FRAS1: variants seen among roughly 807,000 people sequenced by gnomAD.
The protein encoded by FRAS1 is Fraser extracellular matrix complex subunit 1, also known as extracellular matrix organizing protein FRAS1.
In FRAS1, 290 loss-of-function variants were observed where a neutral mutation model predicts 435.2. The observed-to-expected ratio is 0.67, with a 90% CI of 0.61 to 0.73. FRAS1 has a LOEUF of 0.73. Ranked by LOEUF, FRAS1 falls within the 30% of genes least tolerant of loss-of-function variation. FRAS1 has a pLI of 0.00. For missense variants in FRAS1, 4,860 were observed against 5,001.5 expected, an observed-to-expected ratio of 0.97 and a Z score of 0.85; for synonymous variants, 1,800 against 1,851.0, an observed-to-expected ratio of 0.97 and a Z score of 0.71.
rs143324976 is a variant in FRAS1, at chr4:78,406,653, G to T, written c.4130-1010G>T. ...AAGTTGAGATTTGGGTAGGGACACA[G>T]CCAAACTATGTCAAGAAAGATGATC... On this transcript the variant is annotated intron_variant, in intron 30 of 73. Transcript: ENST00000512123. 2.5e-3 allele frequency among the ~76,000 whole-genome samples: 379 copies of T among 149,324 alleles called. 2 individuals carry two copies. Among genetic ancestry groups the T allele is most frequent in the African/African-American group, 9.1e-3 (361 of 39,748 alleles).
chr4:78,401,341 T>C (rs1317945401), intron 30 of FRAS1, among the ~76,000 whole-genome samples: 1 of 152,134 alleles, frequency 6.6e-6, no homozygotes, highest in Non-Finnish European at 1.5e-5. Context: ...AGCAAGGTAG[T>C]CAAATAAGAA....
chr4:78,404,765 G>C (rs953567933), intron 30 of FRAS1, among the ~76,000 whole-genome samples: 1 of 152,068 alleles, frequency 6.6e-6, no homozygotes, highest in Admixed American at 6.6e-5. Context: ...CTCTCCTCTG[G>C]ATTTGTCAGT....
chr4:78,274,779 A>G (rs2110168274), intron 9 of FRAS1, among the ~76,000 whole-genome samples: 1 of 152,264 alleles, frequency 6.6e-6, no homozygotes, highest in Admixed American at 6.5e-5. Context: ...GCTGAAAAGA[A>G]TGTATATTCT....
intron 1 of FRAS1, among the ~76,000 whole-genome samples, chr4:78,058,988 CT>C (rs1739611820): frequency 6.6e-6 from 1 of 152,260 alleles, no homozygotes; most frequent in South Asian, 2.1e-4. Flanking sequence ...AGCCGGCGGG[CT>C]GGGAGGAAGA....
Position 78,475,012 on chromosome 4 carries a change from A to T in FRAS1, c.7683-426A>T, listed in dbSNP as rs1719814794. On this transcript the variant is annotated intron_variant, in intron 53 of 73. Transcript: ENST00000512123. ...TGACTCCATCACACAGTTCCTGGAG[A>T]TCTGGTCCAGTCAGTTCCCACCTAA... 2.0e-5 allele frequency among the ~76,000 whole-genome samples: 3 copies of T among 152,246 alleles called. No homozygotes were observed. In the South Asian group the frequency reaches 6.2e-4, roughly 32 times the overall value.
chr4:78,443,549 C>T (rs1464574791), intron 41 of FRAS1, among the ~76,000 whole-genome samples: 7 of 152,232 alleles, frequency 4.6e-5, no homozygotes, highest in African/African-American at 1.7e-4. Flanking sequence ...ACAGGACCCA[C>T]CTTGATTCCC....
intron 2 of FRAS1, 116 bp from the exon 3 acceptor site, chr4:78,237,394 T>G: frequency 5.9e-6 from 4 of 676,104 alleles, no homozygotes; most frequent in Non-Finnish European, 1.1e-5. Flanking sequence ...GTGGTGTGCC[T>G]GTGACTTTTC....
At chr4:78,197,983 AG>A (rs1237099076) in intron 2 of FRAS1, among the ~76,000 whole-genome samples, 2 of 150,918 alleles carry the variant, frequency 1.3e-5, no homozygotes, top group East Asian at 3.9e-4. Flanking sequence ...CTTTTATAGC[AG>A]GACTATGTAG....
intron 65 of FRAS1, among the ~76,000 whole-genome samples, chr4:78,514,368 T>G (rs1721141579): frequency 6.6e-6 from 1 of 152,250 alleles, no homozygotes; most frequent in African/African-American, 2.4e-5. Context: ...TCCATTTACC[T>G]TAGCAAGTGC....
intron 65 of FRAS1, among the ~76,000 whole-genome samples, chr4:78,514,410 T>A (rs1721142505): frequency 6.6e-6 from 1 of 152,254 alleles, no homozygotes; most frequent in African/African-American, 2.4e-5. Context: ...CTTTCACAAA[T>A]GATGAAACAC....
intron 29 of FRAS1, among the ~76,000 whole-genome samples, chr4:78,400,040 C>G (rs979900274): frequency 6.6e-6 from 1 of 152,240 alleles, no homozygotes; most frequent in African/African-American, 2.4e-5. Context: ...CTGAGCCCTA[C>G]TGGCACCAGA....
chr4:78,384,123 A>C lies in FRAS1; in HGVS notation c.3628A>C (p.Ile1210Leu), dbSNP rs1032803021. ...QFFSEPQLIN[I>L]QAFSTQAPYV... ...CTTCTCTGAGCCACAGCTGATCAACATACAAGCATTTTCAACACAGGTAAT... is the reference window on the plus strand; with the variant it reads ...CTTCTCTGAGCCACAGCTGATCAACCTACAAGCATTTTCAACACAGGTAAT... Residue 1210 changes from isoleucine (I) to leucine (L), a missense_variant, in exon 28 of 74, where the codon ATA becomes CTA. Transcript: ENST00000512123. 1.9e-6 allele frequency: 3 copies of C among 1,600,914 alleles called. No individual in the cohort carries two copies. Among genetic ancestry groups the C allele is most frequent in the East Asian group, 2.3e-5 (1 of 44,388 alleles).
At chr4:78,101,437 C>T (rs548494564) in intron 2 of FRAS1, among the ~76,000 whole-genome samples, 185 of 152,068 alleles carry the variant, frequency 1.2e-3, no homozygotes, top group South Asian at 2.3e-3. Flanking sequence ...ACTTGGTATT[C>T]CTGTATTCAC....
In FRAS1 at chr4:78,146,113, A is replaced by C. The variant is rs188380634; in HGVS notation, c.108+80097A>C. On this transcript the variant is annotated intron_variant, in intron 2 of 73. Transcript: ENST00000512123. Reference sequence around the variant, plus strand: ...GTACCCAGAACCCGAACATTGTAGCATACTGTTTTTTTAATTGCTATGTTC... The same window carrying C: ...GTACCCAGAACCCGAACATTGTAGCCTACTGTTTTTTTAATTGCTATGTTC... 9.8e-5 allele frequency among the ~76,000 whole-genome samples: 15 copies of C among 152,298 alleles called. No homozygotes were observed. The East Asian group carries it at 2.7e-3, about 27-fold the overall frequency.
rs1418168522 is a variant in FRAS1 at position 78,540,816 on chromosome 4, G to A, written c.11731G>A (p.Ala3911Thr). 4 of 1,613,836 alleles carry A rather than the reference G, an allele frequency of 2.5e-6. No individual in the cohort carries two copies. The highest frequency in any genetic ancestry group is 3.4e-6 in the Non-Finnish European group (4 of 1,179,864). The part of the protein sequence containing the change: ...QTGASIGSAL[A>T]AIMLLLLVFL... The stretch of plus-strand genomic sequence containing the variant: ...TGGGGCGTCCATTGGCAGTGCCCTG[G>A]CTGCAATCATGCTTCTACTTCTGGT... The change falls in exon 74 of 74, where the codon GCT becomes ACT. Residue 3911 changes from alanine to threonine, a missense_variant. Coordinates refer to ENST00000512123, the MANE Select transcript of FRAS1 (RefSeq NM_025074.7).
chr4:78,187,596 TC>T (rs1722326675), intron 2 of FRAS1, among the ~76,000 whole-genome samples: 1 of 151,992 alleles, frequency 6.6e-6, no homozygotes, highest in African/African-American at 2.4e-5. Flanking sequence ...GCTGTTGCTA[TC>T]CTTTTTTTTT....
chr4:78,383,579 C>T (rs913506215), intron 27 of FRAS1, among the ~76,000 whole-genome samples: 5 of 152,072 alleles, frequency 3.3e-5, no homozygotes, highest in African/African-American at 1.2e-4. Flanking sequence ...GGGAGATGAA[C>T]AGCCGTGTAA....
intron 41 of FRAS1, among the ~76,000 whole-genome samples, chr4:78,442,723 C>A (rs1734705698): frequency 6.6e-6 from 1 of 152,150 alleles, no homozygotes; most frequent in Admixed American, 6.5e-5. Flanking sequence ...GGTTCTCAAA[C>A]TTTAAGGTGC....
In FRAS1 at chr4:78,499,936, A is replaced by G. The variant is rs773914928; in HGVS notation, c.9316+15A>G. ...GTTCAGTCCCGGTAATTGAATGCCA[A>G]CCTCAATCTGTGGGTTTTACTTAAT... On this transcript the variant is annotated intron_variant, in intron 61 of 73. Transcript: ENST00000512123. 1.4e-4 allele frequency: 219 copies of G among 1,511,620 alleles called. 2 individuals are homozygous for G. In the South Asian group the frequency reaches 2.0e-3, roughly 14 times the overall value. 93.6% of individuals were successfully genotyped at this position (1,511,620 alleles called of 1,614,324 possible).
Sources: gnomAD v4.1 joint callset for allele counts (sites outside exome capture counted in the v4.1 genomes callset) on GRCh38, gnomAD v4.1.1 for gene constraint, MANE v1.5 for transcripts, NCBI Gene and HGNC (gene_info 2026-07-23, HGNC 2026-07-21) for gene names.